The following CADM1 variants were observed in gnomAD, a reference collection of about 807,000 sequenced individuals.
CADM1 encodes the protein cell adhesion molecule 1, also known as TSLC-1.
In CADM1, 15 loss-of-function variants were observed where a neutral mutation model predicts 53.1. That is an observed-to-expected ratio of 0.28 (90% CI 0.19 to 0.44). The LOEUF is 0.44. Ranked by LOEUF, CADM1 falls within the 20% of genes least tolerant of loss-of-function variation. CADM1 has a pLI of 1.00. For missense variants in CADM1, 434 were observed against 611.3 expected (o/e 0.71, Z 3.06); for synonymous variants, 281 against 243.0 (o/e 1.16, Z -1.45).
intron 1 of CADM1, among the ~76,000 whole-genome samples, chr11:115,387,291 T>C (rs181033521): frequency 3.9e-5 from 6 of 152,306 alleles, no homozygotes; most frequent in Non-Finnish European, 7.3e-5. Context: ...TATACCTTTA[T>C]ACAGAGTTTT....
chr11:115,398,548 C>T (rs1334265540), intron 1 of CADM1, among the ~76,000 whole-genome samples: 1 of 152,086 alleles, frequency 6.6e-6, no homozygotes, highest in Admixed American at 6.6e-5. Context: ...GTTTACTAGG[C>T]CAGATAGCTA....
intron 1 of CADM1, among the ~76,000 whole-genome samples, chr11:115,391,438 C>T (rs1946833200): frequency 1.3e-5 from 2 of 152,030 alleles, no homozygotes. Flanking sequence ...GCTCCAAAAA[C>T]GAACTGCAAT....
At chr11:115,264,693 G>A (rs1459610145) in intron 1 of CADM1, among the ~76,000 whole-genome samples, 1 of 152,180 alleles carries the variant, frequency 6.6e-6, no homozygotes, top group Non-Finnish European at 1.5e-5. Flanking sequence ...TTTAACCTAA[G>A]CCTCCATTTT....
intron 1 of CADM1, among the ~76,000 whole-genome samples, chr11:115,357,158 G>T (rs530985180): frequency 6.6e-6 from 1 of 152,198 alleles, no homozygotes; most frequent in South Asian, 2.1e-4. Context: ...GGCCTTTCAG[G>T]AACCCCAGCT....
At chr11:115,178,401 T>A (rs978033720) in intron 11 of CADM1, among the ~76,000 whole-genome samples, 1 of 152,088 alleles carries the variant, frequency 6.6e-6, no homozygotes. Flanking sequence ...CAAAGCTTTA[T>A]ATTTAGAGAA....
At chr11:115,320,761 T>C (rs1157305652) in intron 1 of CADM1, among the ~76,000 whole-genome samples, 1 of 152,052 alleles carries the variant, frequency 6.6e-6, no homozygotes, top group African/African-American at 2.4e-5. Context: ...CACATGTTTT[T>C]GTGATGAAAA....
chr11:115,329,625 G>A (rs1474663444), intron 1 of CADM1, among the ~76,000 whole-genome samples: 1 of 152,122 alleles, frequency 6.6e-6, no homozygotes, highest in Non-Finnish European at 1.5e-5. Flanking sequence ...CCCAGTGGGT[G>A]TGCTACAGTG....
chr11:115,278,375 A>T (rs1180595732), intron 1 of CADM1, among the ~76,000 whole-genome samples: 1 of 152,212 alleles, frequency 6.6e-6, no homozygotes, highest in Non-Finnish European at 1.5e-5. Flanking sequence ...CTCAGGATTT[A>T]GTAGGATAGA....
chr11:115,503,907 G>A (rs1444063437), intron 1 of CADM1, among the ~76,000 whole-genome samples: 1 of 152,134 alleles, frequency 6.6e-6, no homozygotes, highest in Non-Finnish European at 1.5e-5. Flanking sequence ...GGGGAGAACG[G>A]CGAGTTTAGA....
At chr11:115,211,475 CTTT>C (rs1224649182) in intron 7 of CADM1, among the ~76,000 whole-genome samples, 3 of 92,256 alleles carry the variant, frequency 3.3e-5, no homozygotes, top group Non-Finnish European at 5.8e-5. Context: ...AATCCTATTT[CTTT>C]TTTTTTTTTT....
chr11:115,219,157 T>C (rs1941308605), intron 5 of CADM1, among the ~76,000 whole-genome samples: 1 of 152,180 alleles, frequency 6.6e-6, no homozygotes, highest in Non-Finnish European at 1.5e-5. Context: ...CAGACAATCA[T>C]ACCACCTAAA....
Position 115,270,456 on chromosome 11 carries a change from G to A in CADM1, c.125-30036C>T, listed in dbSNP as rs533482044. 2.6e-5 allele frequency among the ~76,000 whole-genome samples: 4 copies of A among 152,156 alleles called. 1 individual carries two copies. The South Asian group carries it at 8.3e-4, about 32-fold the overall frequency. ...TATCAATCTATTCCCCATAACTTCT[G>A]GGCACCCCCTCCCCTTTTCTTCCAG... On this transcript the variant is annotated intron_variant, in intron 1 of 11. Coordinates refer to ENST00000331581, the MANE Select transcript of CADM1 (RefSeq NM_001301043.2).
intron 1 of CADM1, among the ~76,000 whole-genome samples, chr11:115,389,516 A>T (rs1018884495): frequency 2.2e-4 from 33 of 152,318 alleles, no homozygotes; most frequent in African/African-American, 7.0e-4. Context: ...AGAATGGTTA[A>T]ATTATGCTAT....
intron 1 of CADM1, among the ~76,000 whole-genome samples, chr11:115,357,151 C>G (rs1173020812): frequency 1.3e-5 from 2 of 152,142 alleles, no homozygotes; most frequent in Non-Finnish European, 2.9e-5. Context: ...TCCCTCGGGC[C>G]TTTCAGGAAC....
chr11:115,457,695 C>G (rs771157972), intron 1 of CADM1, among the ~76,000 whole-genome samples: 10 of 152,124 alleles, frequency 6.6e-5, no homozygotes, highest in South Asian at 2.1e-4. Context: ...AAACCTCCCC[C>G]CTATACCTCC....
intron 1 of CADM1, among the ~76,000 whole-genome samples, chr11:115,343,290 A>G (rs1945495823): frequency 6.6e-6 from 1 of 152,166 alleles, no homozygotes; most frequent in Non-Finnish European, 1.5e-5. Flanking sequence ...ACATATATAG[A>G]GCTTGCCATG....
intron 1 of CADM1, among the ~76,000 whole-genome samples, chr11:115,398,442 T>A (rs1181833592): frequency 6.6e-6 from 1 of 152,158 alleles, no homozygotes; most frequent in Admixed American, 6.5e-5. Context: ...TCCCCCTGAC[T>A]TTTCTGACTT....
chr11:115,374,118 C>T (rs993455119), intron 1 of CADM1, among the ~76,000 whole-genome samples: 3 of 152,072 alleles, frequency 2.0e-5, no homozygotes, highest in Non-Finnish European at 4.4e-5. Context: ...GGAGAAATAG[C>T]TGATTCCAGG....
intron 1 of CADM1, among the ~76,000 whole-genome samples, chr11:115,264,962 C>A (rs1157737586): frequency 6.6e-6 from 1 of 152,122 alleles, no homozygotes; most frequent in East Asian, 1.9e-4. Context: ...GTGAACAACA[C>A]CACAGTATTT....
Sources: gnomAD v4.1 joint callset for allele counts (sites outside exome capture counted in the v4.1 genomes callset) on GRCh38, gnomAD v4.1.1 for gene constraint, MANE v1.5 for transcripts, NCBI Gene and HGNC (gene_info 2026-07-23, HGNC 2026-07-21) for gene names.